Variants in GDI2 observed in about 807,000 individuals in gnomAD.
GDI2 encodes rab GDP dissociation inhibitor beta.
GDI2 carries 22 observed loss-of-function variants against 54.2 expected under a neutral mutation model. The ratio of observed to expected loss-of-function variants is 0.41; its 90% CI spans 0.29 to 0.58. The LOEUF (loss-of-function observed/expected upper bound fraction) is 0.58, where lower values mean the gene tolerates loss of function less well. GDI2 is among the 20% of genes least tolerant of loss of function. The probability of loss-of-function intolerance (pLI) is 0.35; values close to 1 mark genes in which losing one functional copy is unlikely to be tolerated. For missense variants in GDI2, 422 were observed against 546.0 expected (o/e 0.77, Z 2.26); for synonymous variants, 177 against 182.1 (o/e 0.97, Z 0.23).
At chr10:5,772,803 C>T (rs1840521519) in intron 7 of GDI2, among the ~76,000 whole-genome samples, 1 of 152,060 alleles carries the variant, frequency 6.6e-6, no homozygotes, top group African/African-American at 2.4e-5. Flanking sequence ...AGATAAAACA[C>T]ACAAATCTAA....
chr10:5,778,695 C>G (rs1297776705), intron 6 of GDI2, among the ~76,000 whole-genome samples: 2 of 152,076 alleles, frequency 1.3e-5, no homozygotes, highest in Non-Finnish European at 2.9e-5. Flanking sequence ...AGGAAATATC[C>G]TTTGCTTTTA....
intron 1 of GDI2, among the ~76,000 whole-genome samples, chr10:5,802,253 G>A (rs192620657): frequency 3.9e-5 from 6 of 152,076 alleles, no homozygotes; most frequent in African/African-American, 1.2e-4. Flanking sequence ...AAACCTAAAG[G>A]AAAATAACTG....
In GDI2 at chr10:5,765,615, A is replaced by G. The variant is rs559176328; in HGVS notation, c.*391T>C. ...TCCCAAACCGTGGAATATTCAATTT[A>G]GAATCTCCTGAACCTCAAGAGGACA... is the stretch of plus-strand genomic sequence containing the variant. On this transcript the variant is annotated 3_prime_UTR_variant, in exon 11 of 11. Transcript: ENST00000380191. 74 of 158,970 alleles carry G rather than the reference A, an allele frequency of 4.7e-4. 1 individual carries two copies. Among genetic ancestry groups the G allele is most frequent in the Non-Finnish European group, 8.6e-4 (63 of 72,916 alleles). 9.8% of individuals were successfully genotyped at this position (158,970 alleles called of 1,614,324 possible). A position where few individuals can be genotyped will look rare whatever the true frequency, so the allele number is the denominator to read the frequency against.
chr10:5,796,935 T>C (rs1370778147), intron 2 of GDI2, 73 bp from the exon 3 acceptor site: 1 of 713,798 alleles, frequency 1.4e-6, no homozygotes, highest in Non-Finnish European at 2.5e-6. Context: ...ACATATTTTT[T>C]ATTAAGTGCT....
At chr10:5,794,729 C>T (rs1841109849) in intron 4 of GDI2, among the ~76,000 whole-genome samples, 156 bp downstream of exon 4, 1 of 152,162 alleles carries the variant, frequency 6.6e-6, no homozygotes, top group South Asian at 2.1e-4. Flanking sequence ...ATTTTGTTCA[C>T]TGATGTGTTC....
intron 6 of GDI2, among the ~76,000 whole-genome samples, chr10:5,780,742 C>G (rs1279923943): frequency 1.3e-5 from 2 of 152,124 alleles, no homozygotes; most frequent in Admixed American, 1.3e-4. Context: ...ACAGTGAAAG[C>G]TGTAAAACAC....
intron 6 of GDI2, among the ~76,000 whole-genome samples, chr10:5,783,884 T>G (rs1234380452): frequency 6.6e-6 from 1 of 152,234 alleles, no homozygotes; most frequent in Non-Finnish European, 1.5e-5. Flanking sequence ...TTCCTTCATC[T>G]TGACTTTAGT....
intron 7 of GDI2, among the ~76,000 whole-genome samples, chr10:5,770,631 A>G (rs1042119823): frequency 1.3e-5 from 2 of 152,048 alleles, no homozygotes; most frequent in African/African-American, 2.4e-5. Context: ...TGATGTGAAT[A>G]TATTTAATAC....
At position 5,774,497 on chromosome 10, in the gene GDI2, C is replaced by A. The variant is rs1240235536; in HGVS notation, c.720-556G>T. On this transcript the variant is annotated intron_variant, in intron 6 of 10. Coordinates refer to ENST00000380191, the MANE Select transcript of GDI2 (RefSeq NM_001494.4). The surrounding 1 kb of genome is among the most constrained non-coding windows in gnomAD (Gnocchi z 4.8). Reference sequence around the variant, plus strand: ...ATTTTCTTTGGCTGGAGGCGTTCAACCCCCATACACGGTTTTCTTCTCCCC... The same window carrying A: ...ATTTTCTTTGGCTGGAGGCGTTCAAACCCCATACACGGTTTTCTTCTCCCC... 2.0e-5 allele frequency among the ~76,000 whole-genome samples: 3 copies of A among 152,146 alleles called. No homozygotes were observed. Among genetic ancestry groups the A allele is most frequent in the Non-Finnish European group, 4.4e-5 (3 of 68,032 alleles).
At chr10:5,790,353 T>C (rs905857190) in intron 4 of GDI2, among the ~76,000 whole-genome samples, 2 of 152,122 alleles carry the variant, frequency 1.3e-5, no homozygotes, top group African/African-American at 4.8e-5. Flanking sequence ...ATATAATACA[T>C]TATCACAAGG....
At chr10:5,767,867 G>A (rs1298031269) in intron 8 of GDI2, among the ~76,000 whole-genome samples, 1 of 152,196 alleles carries the variant, frequency 6.6e-6, no homozygotes, top group Non-Finnish European at 1.5e-5. Context: ...GGACACAGAA[G>A]CAGCTATGTC....
intron 7 of GDI2, among the ~76,000 whole-genome samples, chr10:5,773,183 A>G (rs1182006323): frequency 6.6e-6 from 1 of 151,992 alleles, no homozygotes; most frequent in African/African-American, 2.4e-5. Flanking sequence ...GGAGGTTGCT[A>G]CATTCCCACA....
intron 1 of GDI2, among the ~76,000 whole-genome samples, chr10:5,812,598 G>C (rs555158155): frequency 2.6e-5 from 4 of 152,194 alleles, no homozygotes; most frequent in Non-Finnish European, 5.9e-5. Flanking sequence ...AGAAGGGAGG[G>C]TGGCTAAAAG....
intron 4 of GDI2, among the ~76,000 whole-genome samples, chr10:5,792,949 G>A (rs1256160118): frequency 2.6e-5 from 3 of 116,640 alleles, no homozygotes; most frequent in African/African-American, 6.4e-5. Flanking sequence ...AAGAACCCAC[G>A]ACCTTTGTCC....
At chr10:5,811,657 T>TAAAAAAAAAAAAAAAAAAAAA (rs34264151) in intron 1 of GDI2, among the ~76,000 whole-genome samples, 2 of 135,192 alleles carry the variant, frequency 1.5e-5, no homozygotes, top group Non-Finnish European at 1.6e-5. Flanking sequence ...ATTAGGCACT[T>TAAAAAAAAAAAAAAAAAAAAA]AAAAAAAAAA....
intron 4 of GDI2, among the ~76,000 whole-genome samples, chr10:5,788,303 CTAGG>C (rs1370768424): frequency 6.6e-6 from 1 of 152,082 alleles, no homozygotes; most frequent in African/African-American, 2.4e-5. Context: ...CTAGTCCCTA[CTAGG>C]TAGATAATTT....
rs114777082 is a variant in GDI2, at chr10:5,766,467, C to T, written c.1136+27G>A. The T allele has an allele frequency of 1.2e-3, 1,930 of 1,611,632 alleles. 27 individuals are homozygous for T. In the African/African-American group the frequency reaches 0.022, roughly 19 times the overall value. ...CAATCAAAGGCCTCAGTTTGCATCTCGGCAGATATAAAAGAACACAACTCA... is the reference window on the plus strand; with the variant it reads ...CAATCAAAGGCCTCAGTTTGCATCTTGGCAGATATAAAAGAACACAACTCA... On this transcript the variant is annotated intron_variant, in intron 9 of 10. Transcript: ENST00000380191. This position sits in a 1 kb window ranked among gnomAD's most constrained non-coding sequence, Gnocchi z 5.8.
intron 1 of GDI2, among the ~76,000 whole-genome samples, chr10:5,801,504 A>C (rs1354238195): frequency 1.3e-5 from 2 of 151,856 alleles, no homozygotes; most frequent in Non-Finnish European, 2.9e-5. Flanking sequence ...TGGAGAAACC[A>C]CATCTCTAGT....
At chr10:5,791,763 A>AT (rs1298731044) in intron 4 of GDI2, among the ~76,000 whole-genome samples, 6 of 151,876 alleles carry the variant, frequency 4.0e-5, no homozygotes, top group South Asian at 4.2e-4. Flanking sequence ...AAAAAAAAAA[A>AT]AAATAAGCCA....
Sources: allele counts gnomAD v4.1 joint callset (sites outside exome capture counted in the v4.1 genomes callset), GRCh38; gene constraint gnomAD v4.1.1; non-coding constraint Gnocchi (gnomAD v3.1); transcripts MANE v1.5; gene names NCBI Gene and HGNC (gene_info 2026-07-23, HGNC 2026-07-21).